LSM4: variants seen among roughly 807,000 people sequenced by gnomAD.
The protein encoded by LSM4 is LSM4 homolog, U6 small nuclear RNA and mRNA degradation associated, also known as U6 snRNA-associated Sm-like protein LSm4.
Under a neutral mutation model 22.3 loss-of-function variants are expected in LSM4, and 15 were observed. That is an observed-to-expected ratio of 0.67 (90% CI 0.45 to 1.03). The LOEUF (loss-of-function observed/expected upper bound fraction) is 1.03. Ranked by LOEUF, LSM4 falls within the 50% of genes least tolerant of loss-of-function variation. The pLI is 0.00. For missense variants in LSM4, 127 were observed against 198.0 expected (o/e 0.64, Z 2.15); for synonymous variants, 90 against 79.8 (o/e 1.13, Z -0.68).
rs1470083850 is a variant in LSM4, at chr19:18,323,074, G to C, written c.-54C>G. The C allele has an allele frequency of 6.9e-7, 1 of 1,442,672 alleles. No homozygotes were observed. Among genetic ancestry groups the C allele is most frequent in the Non-Finnish European group, 9.1e-7 (1 of 1,104,846 alleles). 89.4% of individuals were successfully genotyped at this position (1,442,672 alleles called of 1,614,324 possible). ...CACTTCCGCCGCCGCCGCTGCACACGCTCCCGGCGGTCGTCGCCGCGCCGC... is the reference window on the plus strand; with the variant it reads ...CACTTCCGCCGCCGCCGCTGCACACCCTCCCGGCGGTCGTCGCCGCGCCGC... On this transcript the variant is annotated 5_prime_UTR_variant, in exon 1 of 5. Transcript: ENST00000593829.
At chr19:18,315,645 G>A (rs1023980404) in intron 2 of LSM4, among the ~76,000 whole-genome samples, 4 of 151,874 alleles carry the variant, frequency 2.6e-5, no homozygotes, top group African/African-American at 9.7e-5. Context: ...GGGATCAGTC[G>A]ATCCTCTTGC....
At chr19:18,322,870 T>C in intron 1 of LSM4, 148 bp downstream of exon 1, 8 of 1,223,442 alleles carry the variant, frequency 6.5e-6, no homozygotes, top group South Asian at 1.3e-5. Flanking sequence ...CCGGCCTCAG[T>C]TTCCCAGCCT....
intron 4 of LSM4, among the ~76,000 whole-genome samples, chr19:18,308,926 C>T (rs756438369): frequency 6.6e-6 from 1 of 152,204 alleles, no homozygotes; most frequent in Non-Finnish European, 1.5e-5. Flanking sequence ...GAGAAAACCC[C>T]CCACTTCCCT....
rs547885332 is a variant in LSM4, at chr19:18,306,819, C to A, written c.*645G>T. 6.6e-6 allele frequency: 1 copy of A among 152,250 alleles called. No individual in the cohort carries two copies. Among genetic ancestry groups the A allele is most frequent in the Non-Finnish European group, 1.5e-5 (1 of 68,054 alleles). The allele number at this position is 152,250 out of a possible 1,614,324, so 9.4% of individuals were successfully genotyped here. A position where few individuals can be genotyped will look rare whatever the true frequency, so the allele number is the denominator to read the frequency against. ...AACTCTCAAAAGGAAGCTTCCCTTA[C>A]GGGAACGGGGATTTCCTGAGAGTCC... On this transcript the variant is annotated 3_prime_UTR_variant, in exon 5 of 5. Transcript: ENST00000593829.
chr19:18,318,423 T>C (rs1007685614), intron 1 of LSM4, among the ~76,000 whole-genome samples: 2 of 152,130 alleles, frequency 1.3e-5, no homozygotes, highest in Non-Finnish European at 2.9e-5. Flanking sequence ...GAAAGGGCCA[T>C]GTGGCCCCGG....
intron 4 of LSM4, 71 bp from the exon 5 acceptor site, chr19:18,307,626 G>C: frequency 8.7e-7 from 1 of 1,150,816 alleles, no homozygotes; most frequent in South Asian, 1.7e-5. Context: ...CCGGCGCCCT[G>C]AAACTCTAGG....
intron 1 of LSM4, among the ~76,000 whole-genome samples, chr19:18,319,521 C>T (rs533428174): frequency 1.3e-5 from 2 of 152,286 alleles, no homozygotes; most frequent in East Asian, 1.9e-4. Context: ...GAGATTGTGC[C>T]ACTGCACTCC....
intron 3 of LSM4, among the ~76,000 whole-genome samples, chr19:18,310,485 C>T (rs901295237): frequency 1.3e-5 from 2 of 152,180 alleles, no homozygotes; most frequent in African/African-American, 4.8e-5. Context: ...CGGCTCCCAG[C>T]GATGCCAGTT....
intron 3 of LSM4, among the ~76,000 whole-genome samples, chr19:18,310,747 C>T (rs1970289683): frequency 6.6e-6 from 1 of 152,226 alleles, no homozygotes; most frequent in African/African-American, 2.4e-5. Flanking sequence ...TGGAACCCAC[C>T]CAGGGCCCCC....
At chr19:18,313,786 G>A (rs4575644) in intron 2 of LSM4, among the ~76,000 whole-genome samples, 62,643 of 151,956 alleles carry the variant, frequency 0.41, 14,952 homozygotes, top group East Asian at 0.74. Context: ...GGGGTGCTGG[G>A]ATTATAGGCA....
At chr19:18,313,929 C>A (rs2148141090) in intron 2 of LSM4, among the ~76,000 whole-genome samples, 1 of 152,252 alleles carries the variant, frequency 6.6e-6, no homozygotes, top group East Asian at 1.9e-4. Flanking sequence ...AAGTGATTCT[C>A]CTGCCTCAAC....
chr19:18,307,442 A>T lies in LSM4; in HGVS notation c.*22T>A, dbSNP rs374899612. 1.7e-5 allele frequency: 25 copies of T among 1,498,296 alleles called. No homozygotes were observed. Among genetic ancestry groups the T allele is most frequent in the Non-Finnish European group, 2.0e-5 (23 of 1,125,056 alleles). The allele number at this position is 1,498,296 out of a possible 1,614,324, so 92.8% of individuals were successfully genotyped here. On this transcript the variant is annotated 3_prime_UTR_variant, in exon 5 of 5. Coordinates refer to ENST00000593829, the MANE Select transcript of LSM4 (RefSeq NM_012321.5). ...TCGCCACCCTGGCAGGAGGGGGCGCAGCAGCCGGTCTGGGTGGGCGCTCAC... is the reference window on the plus strand; with the variant it reads ...TCGCCACCCTGGCAGGAGGGGGCGCTGCAGCCGGTCTGGGTGGGCGCTCAC...
At chr19:18,317,049 G>A (rs961067838) in intron 1 of LSM4, among the ~76,000 whole-genome samples, 1 of 151,924 alleles carries the variant, frequency 6.6e-6, no homozygotes, top group East Asian at 2.0e-4. Context: ...AGCCTGGGAA[G>A]CAAGCCTGTC....
chr19:18,315,350 A>G (rs1015630552), intron 2 of LSM4, among the ~76,000 whole-genome samples: 1 of 152,066 alleles, frequency 6.6e-6, no homozygotes, highest in East Asian at 1.9e-4. Context: ...TGGTTTCTCC[A>G]TGTTGCCTAG....
Position 18,318,468 on chromosome 19 carries a change from C to T in LSM4, c.4-2403G>A, listed in dbSNP as rs144232764. On this transcript the variant is annotated intron_variant, in intron 1 of 4. Coordinates refer to ENST00000593829, the MANE Select transcript of LSM4 (RefSeq NM_012321.5). ...TAGGAGAGGCAGGGGAGGAGGGCTG[C>T]GGGCGGCTGGGTGTGCATCTGACTG... 1.7e-3 allele frequency among the ~76,000 whole-genome samples: 258 copies of T among 152,316 alleles called. 1 individual carries two copies. The highest frequency in any genetic ancestry group is 0.015 in the Admixed American group (235 of 15,302).
At chr19:18,320,778 A>G (rs1271903471) in intron 1 of LSM4, among the ~76,000 whole-genome samples, 1 of 152,196 alleles carries the variant, frequency 6.6e-6, no homozygotes, top group African/African-American at 2.4e-5. Context: ...CCTGGGCGAC[A>G]GAACAAGACT....
chr19:18,312,975 C>A lies in LSM4; in HGVS notation c.46-273G>T, dbSNP rs562125553. On this transcript the variant is annotated intron_variant, in intron 2 of 4. Coordinates refer to ENST00000593829, the MANE Select transcript of LSM4 (RefSeq NM_012321.5). ...GTGGCTCACGCCTGTAATCCCAGCA[C>A]TTTGGGAGGCCGAGGCAGGCAGATC... Among the ~76,000 whole-genome samples, 71 of 152,362 alleles carry A rather than the reference C, an allele frequency of 4.7e-4. 1 individual carries two copies. The highest frequency in any genetic ancestry group is 1.6e-3 in the African/African-American group (68 of 41,588).
At chr19:18,311,748 GT>G (rs1970301195) in intron 3 of LSM4, among the ~76,000 whole-genome samples, 1 of 152,156 alleles carries the variant, frequency 6.6e-6, no homozygotes, top group Admixed American at 6.5e-5. Flanking sequence ...CTCACCACCT[GT>G]CCCCACCCCG....
chr19:18,314,810 G>A (rs1269938768), intron 2 of LSM4, among the ~76,000 whole-genome samples: 1 of 152,154 alleles, frequency 6.6e-6, no homozygotes, highest in Non-Finnish European at 1.5e-5. Context: ...CCTAGATAAA[G>A]GTGGTGGTTA....
Sources: gnomAD v4.1 joint callset for allele counts (sites outside exome capture counted in the v4.1 genomes callset) on GRCh38, gnomAD v4.1.1 for gene constraint, MANE v1.5 for transcripts, NCBI Gene and HGNC (gene_info 2026-07-23, HGNC 2026-07-21) for gene names.